TMEM150C: variants seen among roughly 807,000 people sequenced by gnomAD.
TMEM150C encodes the protein tentonin 3.
A neutral mutation model predicts 29.9 loss-of-function variants in TMEM150C; 10 were observed. The ratio of observed to expected loss-of-function variants is 0.33; its 90% CI spans 0.21 to 0.57. The LOEUF (loss-of-function observed/expected upper bound fraction) is 0.57, where lower values mean the gene tolerates loss of function less well. TMEM150C is among the 20% of genes least tolerant of loss of function. The pLI is 0.88. For missense variants in TMEM150C, 251 were observed against 303.6 expected, an observed-to-expected ratio of 0.83 and a Z score of 1.29; for synonymous variants, 101 against 112.5, an observed-to-expected ratio of 0.90 and a Z score of 0.64.
rs550257197 is a variant in TMEM150C at position 82,486,672 on chromosome 4, C to CCCAG, written c.542-957_542-954dup. 3.4e-3 allele frequency among the ~76,000 whole-genome samples: 518 copies of CCCAG among 152,026 alleles called. 3 individuals carry two copies. The highest frequency in any genetic ancestry group is 0.012 in the African/African-American group (498 of 41,436). On this transcript the variant is annotated intron_variant, in intron 7 of 7. Coordinates refer to ENST00000449862, the MANE Select transcript of TMEM150C (RefSeq NM_001080506.3). ...TGCTGAGGTGGGAAGATCACTTGAG[C>CCCAG]CCAGGAGTTTGAGGCTGCAGTGAGC...
At chr4:82,501,615 G>A (rs2110068554) in intron 5 of TMEM150C, among the ~76,000 whole-genome samples, 1 of 152,234 alleles carries the variant, frequency 6.6e-6, no homozygotes, top group East Asian at 1.9e-4. Flanking sequence ...TTCAAGAGAG[G>A]CCTGATGAGC....
chr4:82,556,091 G>GT lies in TMEM150C; in HGVS notation c.-11+5814dup, dbSNP rs74418928. ...TCCGGGGTCCTGTTTTTCTAGTGTTGTTTTTTTTTTTCTTGGAGGGGGGAT... is the reference window on the plus strand; with the variant it reads ...TCCGGGGTCCTGTTTTTCTAGTGTTGTTTTTTTTTTTTCTTGGAGGGGGGAT... On this transcript the variant is annotated intron_variant, in intron 1 of 7. Coordinates refer to ENST00000449862, the MANE Select transcript of TMEM150C (RefSeq NM_001080506.3). 7.2e-3 allele frequency among the ~76,000 whole-genome samples: 1,055 copies of GT among 147,014 alleles called. 17 individuals carry two copies. Among genetic ancestry groups the GT allele is most frequent in the African/African-American group, 0.024 (966 of 40,386 alleles).
At position 82,484,467 on chromosome 4, in the gene TMEM150C, C is replaced by T. The variant is rs1282726123; in HGVS notation, c.*1044G>A. ...CAAAAGATACATATTAACAAAGTCT[C>T]CCCTGATTTGGACTTGCAACAAGAT... On this transcript the variant is annotated 3_prime_UTR_variant, in exon 8 of 8. Transcript: ENST00000449862. 2 of 151,916 alleles carry T rather than the reference C, an allele frequency of 1.3e-5. No individual in the cohort carries two copies. The highest frequency in any genetic ancestry group is 6.6e-5 in the Admixed American group (1 of 15,252). 9.4% of individuals were successfully genotyped at this position (151,916 alleles called of 1,614,324 possible).
chr4:82,485,919 C>G (rs1246733014), intron 7 of TMEM150C, among the ~76,000 whole-genome samples, 200 bp from the exon 8 acceptor site: 1 of 152,140 alleles, frequency 6.6e-6, no homozygotes, highest in Non-Finnish European at 1.5e-5. Flanking sequence ...GGTAGACATG[C>G]TTTTAGGTGC....
chr4:82,491,966 G>A (rs1189981138), intron 6 of TMEM150C, among the ~76,000 whole-genome samples: 3 of 148,744 alleles, frequency 2.0e-5, no homozygotes, highest in East Asian at 2.0e-4. Context: ...TTTTTGAGAC[G>A]GAGTGCTCTG....
intron 5 of TMEM150C, among the ~76,000 whole-genome samples, chr4:82,497,552 T>C (rs1231997149): frequency 3.3e-5 from 5 of 152,196 alleles, no homozygotes; most frequent in Non-Finnish European, 5.9e-5. Flanking sequence ...AAGAGTGGTA[T>C]AAAACTTGAT....
intron 1 of TMEM150C, among the ~76,000 whole-genome samples, chr4:82,520,596 C>T (rs1724451825): frequency 6.6e-6 from 1 of 152,234 alleles, no homozygotes; most frequent in Non-Finnish European, 1.5e-5. Flanking sequence ...CATCCTTTAG[C>T]TCAATACCCT....
chr4:82,559,767 C>T (rs1429176415), intron 1 of TMEM150C, among the ~76,000 whole-genome samples: 3 of 152,192 alleles, frequency 2.0e-5, no homozygotes, highest in Admixed American at 2.0e-4. Context: ...AAGGGGATGA[C>T]TGAGAAGTAA....
At chr4:82,501,189 G>C (rs189808362) in intron 5 of TMEM150C, among the ~76,000 whole-genome samples, 102 of 152,350 alleles carry the variant, frequency 6.7e-4, no homozygotes, top group African/African-American at 2.3e-3. Flanking sequence ...GAAGAATGGT[G>C]TCAAGAGTAG....
chr4:82,501,994 G>A (rs1450164644), intron 5 of TMEM150C, among the ~76,000 whole-genome samples: 1 of 152,190 alleles, frequency 6.6e-6, no homozygotes, highest in African/African-American at 2.4e-5. Flanking sequence ...GACAGTGATA[G>A]CCAGTTGACT....
intron 1 of TMEM150C, among the ~76,000 whole-genome samples, chr4:82,544,991 C>G (rs967586737): frequency 1.3e-5 from 2 of 152,164 alleles, no homozygotes; most frequent in African/African-American, 2.4e-5. Flanking sequence ...GGTACCAATT[C>G]TACTGGAACT....
chr4:82,523,580 G>T (rs1024530782), intron 1 of TMEM150C, among the ~76,000 whole-genome samples: 2 of 152,226 alleles, frequency 1.3e-5, no homozygotes, highest in Non-Finnish European at 2.9e-5. Context: ...TGCCGGCCTG[G>T]TGGGGCCTTA....
chr4:82,540,723 T>G (rs1347159452), intron 1 of TMEM150C, among the ~76,000 whole-genome samples: 1 of 152,208 alleles, frequency 6.6e-6, no homozygotes, highest in African/African-American at 2.4e-5. Context: ...ATAAAAGTTG[T>G]ATATATTTAT....
chr4:82,551,455 T>C (rs1305245949), intron 1 of TMEM150C, among the ~76,000 whole-genome samples: 2 of 152,146 alleles, frequency 1.3e-5, no homozygotes, highest in African/African-American at 4.8e-5. Context: ...GAGTAAATGG[T>C]AAAGGTCAGT....
At chr4:82,548,776 T>C (rs904039822) in intron 1 of TMEM150C, among the ~76,000 whole-genome samples, 3 of 152,220 alleles carry the variant, frequency 2.0e-5, no homozygotes, top group African/African-American at 7.2e-5. Context: ...GGCCCTGGGC[T>C]GGGTCTTCAG....
At chr4:82,557,887 C>A (rs766780895) in intron 1 of TMEM150C, among the ~76,000 whole-genome samples, 1 of 151,884 alleles carries the variant, frequency 6.6e-6, no homozygotes, top group Non-Finnish European at 1.5e-5. Flanking sequence ...TGCCACCATG[C>A]GCAGCTAATT....
At chr4:82,489,795 A>T (rs1723273118) in intron 7 of TMEM150C, among the ~76,000 whole-genome samples, 1 of 152,220 alleles carries the variant, frequency 6.6e-6, no homozygotes. Flanking sequence ...GAACTTTTAC[A>T]TCATTAGTGA....
At chr4:82,540,421 A>T (rs1299733817) in intron 1 of TMEM150C, among the ~76,000 whole-genome samples, 1 of 151,598 alleles carries the variant, frequency 6.6e-6, no homozygotes, top group Non-Finnish European at 1.5e-5. Flanking sequence ...GCTATTACCT[A>T]TTCTTTTAAT....
At chr4:82,562,118 T>C (rs1725960138), upstream of TMEM150C, 1 of 1,258,936 alleles carries the variant, frequency 7.9e-7, no homozygotes, top group Middle Eastern at 2.9e-4. Context: ...GTTGATCCCC[T>C]GGGTCTCGGG....
Sources: allele counts gnomAD v4.1 joint callset (sites outside exome capture counted in the v4.1 genomes callset), GRCh38; gene constraint gnomAD v4.1.1; transcripts MANE v1.5; gene names NCBI Gene and HGNC (gene_info 2026-07-23, HGNC 2026-07-21).